ADGRV1: variants seen among roughly 807,000 people sequenced by gnomAD.
ADGRV1 encodes the protein G-protein coupled receptor 98.
A neutral mutation model predicts 596.2 loss-of-function variants in ADGRV1; 359 were observed. That is an observed-to-expected ratio of 0.60 (90% confidence interval 0.55 to 0.66). The LOEUF (loss-of-function observed/expected upper bound fraction) is 0.66, where lower values mean the gene tolerates loss of function less well. Ranked by LOEUF, ADGRV1 falls within the 30% of genes least tolerant of loss-of-function variation. The probability of loss-of-function intolerance (pLI) is 0.00; values close to 1 mark genes in which losing one functional copy is unlikely to be tolerated. For synonymous variants in ADGRV1, 2,681 were observed against 2,679.2 expected (o/e 1.00, Z -0.02); for missense variants, 7,274 against 7,575.6 (o/e 0.96, Z 1.48).
At chr5:90,770,884 T>C (rs1757624305) in intron 59 of ADGRV1, among the ~76,000 whole-genome samples, 1 of 152,196 alleles carries the variant, frequency 6.6e-6, no homozygotes, top group Admixed American at 6.5e-5. Flanking sequence ...GTCTTATTCT[T>C]ACACAAATGG....
intron 59 of ADGRV1, among the ~76,000 whole-genome samples, chr5:90,765,429 CCACA>C (rs531033246): frequency 0.058 from 7,958 of 136,298 alleles, 242 homozygotes; most frequent in South Asian, 0.099. Context: ...AAATCACAGA[CCACA>C]CACACACACA....
At chr5:90,595,058 C>A (rs1387660783) in intron 1 of ADGRV1, among the ~76,000 whole-genome samples, 1 of 132,846 alleles carries the variant, frequency 7.5e-6, no homozygotes, top group Non-Finnish European at 1.6e-5. Context: ...CCAGTAGGGG[C>A]GGCCGGGCAG....
At chr5:90,906,298 G>T (rs948782565) in intron 83 of ADGRV1, among the ~76,000 whole-genome samples, 2 of 152,088 alleles carry the variant, frequency 1.3e-5, no homozygotes, top group African/African-American at 4.8e-5. Context: ...ATTTGGGTAG[G>T]ATTGGTATTA....
At chr5:91,119,532 C>A (rs1171563695) in intron 87 of ADGRV1, among the ~76,000 whole-genome samples, 2 of 152,150 alleles carry the variant, frequency 1.3e-5, no homozygotes, top group Non-Finnish European at 2.9e-5. Context: ...CAAAAGCTAG[C>A]CTCTGCTATT....
At chr5:91,067,859 A>G (rs997353013) in intron 85 of ADGRV1, among the ~76,000 whole-genome samples, 1 of 152,238 alleles carries the variant, frequency 6.6e-6, no homozygotes, top group Non-Finnish European at 1.5e-5. Flanking sequence ...GCCAATATGC[A>G]TAAGAATGAG....
intron 87 of ADGRV1, among the ~76,000 whole-genome samples, chr5:91,131,753 C>T (rs1794237169): frequency 6.6e-6 from 1 of 152,072 alleles, no homozygotes; most frequent in South Asian, 2.1e-4. Flanking sequence ...TGTCTGTTTC[C>T]TCTGTTGATA....
At chr5:90,969,190 G>A (rs1215893938) in intron 84 of ADGRV1, among the ~76,000 whole-genome samples, 5 of 152,168 alleles carry the variant, frequency 3.3e-5, no homozygotes, top group Non-Finnish European at 7.3e-5. Context: ...TACAGACTGT[G>A]AAAAGACAAA....
At chr5:91,146,051 A>G in intron 87 of ADGRV1, among the ~76,000 whole-genome samples, 1 of 152,226 alleles carries the variant, frequency 6.6e-6, no homozygotes. Context: ...ACCACGGGAG[A>G]ATGCCATTTT....
chr5:90,787,025 C>A lies in ADGRV1; in HGVS notation c.13654-1046C>A, dbSNP rs528811818. On this transcript the variant is annotated intron_variant, in intron 67 of 89. Coordinates refer to ENST00000405460, the MANE Select transcript of ADGRV1 (RefSeq NM_032119.4). ...ATGGTGCTGAGTCCTGAGCTTCCAC[C>A]ATTTAGAGATCAGAGGAAGGAGAAC... 3.9e-5 allele frequency among the ~76,000 whole-genome samples: 6 copies of A among 152,134 alleles called. No individual in the cohort carries two copies. In the South Asian group the frequency reaches 1.2e-3, roughly 32 times the overall value.
intron 45 of ADGRV1, among the ~76,000 whole-genome samples, chr5:90,724,063 G>A (rs930208094): frequency 6.6e-6 from 1 of 151,794 alleles, no homozygotes; most frequent in Admixed American, 6.6e-5. Flanking sequence ...TGAAAAATTA[G>A]ATAGGCATAA....
At chr5:90,819,355 T>C (rs1763241939) in intron 75 of ADGRV1, among the ~76,000 whole-genome samples, 1 of 151,752 alleles carries the variant, frequency 6.6e-6, no homozygotes, top group Admixed American at 6.5e-5. Context: ...GTTGATCCTT[T>C]CAAAAAACCA....
chr5:91,135,868 A>T (rs887270468), intron 87 of ADGRV1, among the ~76,000 whole-genome samples: 4 of 152,170 alleles, frequency 2.6e-5, no homozygotes, highest in African/African-American at 9.7e-5. Context: ...CTAACCCAGT[A>T]TGGGGTGGTG....
At chr5:90,659,066 G>C (rs1769854806) in intron 21 of ADGRV1, among the ~76,000 whole-genome samples, 1 of 152,150 alleles carries the variant, frequency 6.6e-6, no homozygotes, top group South Asian at 2.1e-4. Context: ...GCTCATTCTA[G>C]CTTAAACTGG....
intron 9 of ADGRV1, among the ~76,000 whole-genome samples, chr5:90,634,806 C>T (rs1189525078): frequency 4.6e-5 from 7 of 151,738 alleles, no homozygotes; most frequent in Admixed American, 4.6e-4. Context: ...ATGTCTGTGG[C>T]AGTTAGTTAT....
intron 83 of ADGRV1, among the ~76,000 whole-genome samples, chr5:90,942,993 G>T (rs534079726): frequency 6.6e-6 from 1 of 152,278 alleles, no homozygotes; most frequent in Middle Eastern, 3.4e-3. Context: ...CTTCTGCAAT[G>T]AAGAGTTAGG....
Position 90,622,620 on chromosome 5 carries a change from GC to G in ADGRV1, c.480del (p.Lys161ArgfsTer23). ...NMLPSIAVSE[P>X]KGRNESMPLT... The stretch of plus-strand genomic sequence containing the variant: ...AGCTTCCCTCAATCGCAGTGAGTGA[GC>G]CCAAGGGCAGAAATGAGTCTATGCC... On this transcript the variant is annotated frameshift_variant, in exon 5 of 90. Transcript: ENST00000405460. LOFTEE classifies it high-confidence loss of function. 1.3e-6 allele frequency: 2 copies of G among 1,486,586 alleles called. No individual in the cohort carries two copies. Among genetic ancestry groups the G allele is most frequent in the Admixed American group, 2.1e-5 (1 of 46,590 alleles). The allele number at this position is 1,486,586 out of a possible 1,614,324, so 92.1% of individuals were successfully genotyped here. A position where few individuals can be genotyped will look rare whatever the true frequency, so the allele number is the denominator to read the frequency against.
At chr5:91,154,352 A>G (rs1283635730) in intron 89 of ADGRV1, among the ~76,000 whole-genome samples, 1 of 152,232 alleles carries the variant, frequency 6.6e-6, no homozygotes, top group Non-Finnish European at 1.5e-5. Flanking sequence ...TATGAAGTAT[A>G]TTGCTTTGCT....
At chr5:90,950,749 G>A (rs1184861671) in intron 83 of ADGRV1, among the ~76,000 whole-genome samples, 2 of 152,138 alleles carry the variant, frequency 1.3e-5, no homozygotes, top group Non-Finnish European at 2.9e-5. Context: ...TGGAGTAGCG[G>A]GAGTACTTTA....
intron 82 of ADGRV1, 67 bp from the exon 83 acceptor site, chr5:90,863,690 C>A: frequency 8.3e-7 from 1 of 1,198,490 alleles, no homozygotes; most frequent in Non-Finnish European, 1.2e-6. Context: ...CCCAAAGATT[C>A]TTGCTATGAT....
Sources: gnomAD v4.1 joint callset for allele counts (sites outside exome capture counted in the v4.1 genomes callset) on GRCh38, gnomAD v4.1.1 for gene constraint, MANE v1.5 for transcripts, NCBI Gene and HGNC (gene_info 2026-07-23, HGNC 2026-07-21) for gene names.